ATAD1: variants seen among roughly 807,000 people sequenced by gnomAD.
ATAD1 encodes ATPase family AAA domain containing 1.
ATAD1 carries 18 observed loss-of-function variants against 42.7 expected under a neutral mutation model. The ratio of observed to expected loss-of-function variants is 0.42; its 90% CI spans 0.29 to 0.63. The LOEUF (loss-of-function observed/expected upper bound fraction) is 0.63, where lower values mean the gene tolerates loss of function less well. ATAD1 is among the 20% of genes least tolerant of loss of function. The pLI is 0.19. For synonymous variants in ATAD1, 132 were observed against 143.1 expected (o/e 0.92, Z 0.55); for missense variants, 294 against 440.4 (o/e 0.67, Z 2.98).
intron 8 of ATAD1, among the ~76,000 whole-genome samples, chr10:87,757,286 AAC>A (rs1235319276): frequency 2.0e-5 from 3 of 151,458 alleles, no homozygotes; most frequent in Admixed American, 1.3e-4. Flanking sequence ...AAAAAAAAAA[AAC>A]AAAACACTCA....
chr10:87,762,624 C>A (rs1433888451), intron 8 of ATAD1, among the ~76,000 whole-genome samples: 1 of 151,758 alleles, frequency 6.6e-6, no homozygotes, highest in Non-Finnish European at 1.5e-5. Context: ...GCCACCATGT[C>A]CAGCTAATTT....
chr10:87,784,650 G>A lies in ATAD1; in HGVS notation c.403C>T (p.Pro135Ser), dbSNP rs1241298080. ...GCAATCAACGTTTTACCACAGCCTG[G>A]AGGCCCATAGAGAAGAACACCTGGA... ...PPKGVLLYGP[P>S]GCGKTLIAKA... Residue 135 changes from proline (P) to serine (S), a missense_variant, in exon 5 of 10, where the codon CCA becomes TCA. By Grantham distance (74) the Pro-to-Ser change is moderately conservative. Around this residue, in one of 3 missense-constraint regions of ATAD1, gnomAD observed 121 missense variants for 187.3 expected, o/e 0.65. Transcript: ENST00000680024. The A allele has an allele frequency of 6.2e-7, 1 of 1,612,792 alleles. No individual in the cohort carries two copies. The highest frequency in any genetic ancestry group is 8.5e-7 in the Non-Finnish European group (1 of 1,179,774).
At chr10:87,820,311 G>A (rs1857608458), upstream of ATAD1, among the ~76,000 whole-genome samples, 1 of 152,240 alleles carries the variant, frequency 6.6e-6, no homozygotes, top group South Asian at 2.1e-4. Context: ...TAAGGAAAAT[G>A]AGCTGAGAAA....
At chr10:87,840,899 G>A (rs1858020650) in intron 1 of ATAD1, among the ~76,000 whole-genome samples, 1 of 152,128 alleles carries the variant, frequency 6.6e-6, no homozygotes, top group African/African-American at 2.4e-5. Context: ...ATTATATCCA[G>A]CTGATAAGTT....
At chr10:87,805,357 A>G (rs12769771) in intron 2 of ATAD1, among the ~76,000 whole-genome samples, 44,969 of 152,070 alleles carry the variant, frequency 0.3, 6,874 homozygotes, top group Non-Finnish European at 0.31. Context: ...AGAAATCCTT[A>G]CACTTCTTGT....
At chr10:87,785,944 C>A (rs1283384420) in intron 4 of ATAD1, among the ~76,000 whole-genome samples, 1 of 152,024 alleles carries the variant, frequency 6.6e-6, no homozygotes, top group Non-Finnish European at 1.5e-5. Flanking sequence ...AAATTTAAAT[C>A]CATAAGCTTT....
intron 2 of ATAD1, among the ~76,000 whole-genome samples, chr10:87,793,945 G>A (rs1856250825): frequency 6.6e-6 from 1 of 151,672 alleles, no homozygotes; most frequent in South Asian, 2.1e-4. Flanking sequence ...AAAAAAAAAA[G>A]TACTATGGGG....
chr10:87,830,989 A>G (rs1857818003), intron 1 of ATAD1, among the ~76,000 whole-genome samples: 1 of 152,220 alleles, frequency 6.6e-6, no homozygotes, highest in South Asian at 2.1e-4. Context: ...ATTAGAAAGA[A>G]TGTTTGCTGT....
intron 2 of ATAD1, among the ~76,000 whole-genome samples, chr10:87,803,732 A>C (rs1261378857): frequency 1.3e-5 from 2 of 152,228 alleles, no homozygotes; most frequent in Non-Finnish European, 2.9e-5. Flanking sequence ...GCATGTTCTC[A>C]ACCTTGGCAA....
chr10:87,774,433 C>A (rs190026868), intron 6 of ATAD1, among the ~76,000 whole-genome samples: 213 of 152,172 alleles, frequency 1.4e-3, no homozygotes, highest in Non-Finnish European at 2.2e-3. Context: ...ATTTTCTAAT[C>A]CAATTAGAAA....
intron 3 of ATAD1, among the ~76,000 whole-genome samples, chr10:87,792,186 A>G (rs368729710): frequency 5.4e-4 from 82 of 152,338 alleles, no homozygotes; most frequent in African/African-American, 1.8e-3. Context: ...TTTCTTGACA[A>G]GAACAGCTCA....
intron 2 of ATAD1, among the ~76,000 whole-genome samples, chr10:87,809,738 C>A (rs1175973890): frequency 6.6e-6 from 1 of 151,766 alleles, no homozygotes; most frequent in African/African-American, 2.4e-5. Context: ...CTCATTGTAA[C>A]CCCCGCCTCC....
intron 2 of ATAD1, among the ~76,000 whole-genome samples, chr10:87,813,526 G>A (rs1229750146): frequency 1.3e-5 from 2 of 151,588 alleles, no homozygotes; most frequent in African/African-American, 2.4e-5. Context: ...ATAAAATTGT[G>A]GTTTTCACTT....
At chr10:87,809,531 TA>T (rs35154376) in intron 2 of ATAD1, among the ~76,000 whole-genome samples, 45,615 of 146,778 alleles carry the variant, frequency 0.31, 7,056 homozygotes, top group African/African-American at 0.33. Context: ...GAACTTTCAT[TA>T]AAAAAAAAAA....
chr10:87,840,926 T>C (rs1339439367), intron 1 of ATAD1, among the ~76,000 whole-genome samples: 1 of 152,214 alleles, frequency 6.6e-6, no homozygotes, highest in Non-Finnish European at 1.5e-5. Flanking sequence ...GTATGTTTGT[T>C]TATAATTGAA....
intron 2 of ATAD1, among the ~76,000 whole-genome samples, chr10:87,804,306 C>T (rs886252177): frequency 6.6e-6 from 1 of 152,106 alleles, no homozygotes; most frequent in African/African-American, 2.4e-5. Flanking sequence ...GTGTATAACT[C>T]GTGTATGAAA....
intron 3 of ATAD1, 103 bp downstream of exon 3, chr10:87,792,554 G>C (rs1238853996): frequency 5.2e-6 from 4 of 773,078 alleles, no homozygotes; most frequent in Middle Eastern, 2.4e-4. Context: ...ATTCAGCCTA[G>C]AGAATCAAAG....
At chr10:87,764,973 TAATC>T (rs1854668078) in intron 8 of ATAD1, among the ~76,000 whole-genome samples, 1 of 152,094 alleles carries the variant, frequency 6.6e-6, no homozygotes, top group South Asian at 2.1e-4. Context: ...TAGAAAACAA[TAATC>T]AGAGACTTGT....
chr10:87,761,954 G>A (rs1221584723), intron 8 of ATAD1, among the ~76,000 whole-genome samples: 2 of 151,728 alleles, frequency 1.3e-5, no homozygotes, highest in Non-Finnish European at 2.9e-5. Flanking sequence ...CATGTTGCCC[G>A]GACCTGTCTC....
Sources: allele counts gnomAD v4.1 joint callset (sites outside exome capture counted in the v4.1 genomes callset), GRCh38; gene constraint gnomAD v4.1.1; regional missense constraint gnomAD v4.1.1; transcripts MANE v1.5; gene names NCBI Gene and HGNC (gene_info 2026-07-23, HGNC 2026-07-21).